The following FSTL5 variants were observed in gnomAD, a reference collection of about 807,000 sequenced individuals.
The protein encoded by FSTL5 is follistatin-related protein 5.
A neutral mutation model predicts 89.1 loss-of-function variants in FSTL5; 62 were observed. The observed-to-expected ratio is 0.70, with a 90% confidence interval of 0.57 to 0.86. The LOEUF is 0.86. Ranked by LOEUF, FSTL5 falls within the 40% of genes least tolerant of loss-of-function variation. The pLI is 0.00. For synonymous variants in FSTL5, 383 were observed against 346.2 expected, an observed-to-expected ratio of 1.11 and a Z score of -1.18; for missense variants, 1,057 against 1,001.6, an observed-to-expected ratio of 1.06 and a Z score of -0.75.
At chr4:161,424,080 T>C (rs1732089482) in intron 15 of FSTL5, among the ~76,000 whole-genome samples, 2 of 141,256 alleles carry the variant, frequency 1.4e-5, no homozygotes, top group Non-Finnish European at 1.5e-5. Context: ...GGTTTCACTG[T>C]GTTGGCCAGG....
intron 8 of FSTL5, among the ~76,000 whole-genome samples, chr4:161,560,369 T>A (rs940179472): frequency 6.6e-6 from 1 of 151,884 alleles, no homozygotes; most frequent in Admixed American, 6.6e-5. Context: ...CTGTACACTA[T>A]AAACACTGAA....
rs186533214 is a variant in FSTL5, at chr4:161,673,083, T to C, written c.728-16589A>G. On this transcript the variant is annotated intron_variant, in intron 6 of 15. Transcript: ENST00000306100. The stretch of plus-strand genomic sequence containing the variant: ...TTATCATTAAAACAAAGAAGACATG[T>C]GAACAATTATACAGTTAACTCAGTG... Among the ~76,000 whole-genome samples, 594 of 152,026 alleles carry C rather than the reference T, an allele frequency of 3.9e-3. 2 individuals are homozygous for C. The highest frequency in any genetic ancestry group is 0.014 in the Middle Eastern group (4 of 294).
At chr4:161,398,059 A>G (rs1373691024) in intron 15 of FSTL5, among the ~76,000 whole-genome samples, 21 of 152,012 alleles carry the variant, frequency 1.4e-4, no homozygotes, top group Non-Finnish European at 7.4e-5. Flanking sequence ...TATTGGTAGA[A>G]ACGTAATTGT....
chr4:162,009,480 C>A (rs1186263614), intron 3 of FSTL5, among the ~76,000 whole-genome samples: 1 of 152,098 alleles, frequency 6.6e-6, no homozygotes. Context: ...TCAGTAGGAA[C>A]CTGCATAATG....
intron 4 of FSTL5, among the ~76,000 whole-genome samples, chr4:161,919,768 A>C (rs1205687470): frequency 6.6e-6 from 1 of 152,232 alleles, no homozygotes; most frequent in Non-Finnish European, 1.5e-5. Flanking sequence ...AAAACTGTTC[A>C]ATGATTTATT....
chr4:161,555,964 G>T (rs776794663), intron 8 of FSTL5, among the ~76,000 whole-genome samples: 1 of 151,528 alleles, frequency 6.6e-6, no homozygotes, highest in Non-Finnish European at 1.5e-5. Flanking sequence ...GTTTCAACAC[G>T]CAAGAAAACT....
At chr4:161,654,216 G>A (rs952703374) in intron 7 of FSTL5, among the ~76,000 whole-genome samples, 3 of 152,092 alleles carry the variant, frequency 2.0e-5, no homozygotes, top group African/African-American at 7.2e-5. Context: ...TTTGCAAGTT[G>A]TCCAGAGAGT....
intron 4 of FSTL5, among the ~76,000 whole-genome samples, chr4:161,887,417 ATCT>A (rs1732845043): frequency 3.6e-5 from 1 of 27,680 alleles, no homozygotes; most frequent in African/African-American, 9.3e-5. Context: ...CTATCTATCT[ATCT>A]ATCTATCATC....
intron 3 of FSTL5, among the ~76,000 whole-genome samples, chr4:162,022,131 T>C (rs1737112342): frequency 1.3e-5 from 2 of 151,574 alleles, no homozygotes; most frequent in South Asian, 4.1e-4. Context: ...GGGTACAATG[T>C]AGACTATTTG....
intron 2 of FSTL5, among the ~76,000 whole-genome samples, chr4:162,048,389 T>C (rs906203222): frequency 1.3e-5 from 2 of 151,894 alleles, no homozygotes; most frequent in African/African-American, 2.4e-5. Context: ...ACATACAATC[T>C]GCTCTCAGGA....
chr4:161,495,266 AAG>A (rs1730027517), intron 12 of FSTL5: 1 of 152,206 alleles, frequency 6.6e-6, no homozygotes, highest in Admixed American at 6.6e-5. Context: ...AAAAGTATCA[AAG>A]AATAAAAGAG....
chr4:161,471,169 G>T (rs369604630), intron 13 of FSTL5, among the ~76,000 whole-genome samples: 1 of 152,200 alleles, frequency 6.6e-6, no homozygotes, highest in African/African-American at 2.4e-5. Flanking sequence ...TAGAGGAGAA[G>T]CTCAATCTCT....
intron 13 of FSTL5, among the ~76,000 whole-genome samples, chr4:161,474,349 G>A (rs1332140010): frequency 2.0e-5 from 3 of 151,768 alleles, no homozygotes; most frequent in African/African-American, 7.3e-5. Context: ...AAACAAAAAG[G>A]GTTTTTGCAA....
At chr4:161,692,785 G>A (rs1250786086) in intron 6 of FSTL5, among the ~76,000 whole-genome samples, 2 of 151,980 alleles carry the variant, frequency 1.3e-5, no homozygotes, top group African/African-American at 4.8e-5. Context: ...GTGCAGTGGC[G>A]CTATCTCGGC....
At chr4:161,885,586 C>A (rs1302977188) in intron 4 of FSTL5, among the ~76,000 whole-genome samples, 1 of 152,124 alleles carries the variant, frequency 6.6e-6, no homozygotes, top group Non-Finnish European at 1.5e-5. Flanking sequence ...GCTGAGACTA[C>A]AGACATGGGC....
chr4:161,903,524 T>C (rs1733431052), intron 4 of FSTL5, among the ~76,000 whole-genome samples: 1 of 151,978 alleles, frequency 6.6e-6, no homozygotes, highest in Non-Finnish European at 1.5e-5. Context: ...ATTGGAATTT[T>C]GATAAAAAGT....
intron 4 of FSTL5, among the ~76,000 whole-genome samples, chr4:161,822,559 C>G (rs1459547030): frequency 6.6e-6 from 1 of 152,214 alleles, no homozygotes; most frequent in Non-Finnish European, 1.5e-5. Flanking sequence ...AATGCAGTGA[C>G]TCCTAAAATC....
chr4:162,068,865 C>T (rs1354364818), intron 2 of FSTL5, among the ~76,000 whole-genome samples: 1 of 151,912 alleles, frequency 6.6e-6, no homozygotes, highest in African/African-American at 2.4e-5. Context: ...CAAACAACCC[C>T]ATTAAACAGT....
chr4:161,867,335 T>C (rs1560889822), intron 4 of FSTL5, among the ~76,000 whole-genome samples: 1 of 152,054 alleles, frequency 6.6e-6, no homozygotes, highest in Non-Finnish European at 1.5e-5. Context: ...ATATTTAATT[T>C]ATCAGTATCT....
Sources: gnomAD v4.1 joint callset for allele counts (sites outside exome capture counted in the v4.1 genomes callset) on GRCh38, gnomAD v4.1.1 for gene constraint, MANE v1.5 for transcripts, NCBI Gene and HGNC (gene_info 2026-07-23, HGNC 2026-07-21) for gene names.